GALNT14: variants seen among roughly 807,000 people sequenced by gnomAD.
GALNT14 encodes the protein UDP-GalNAc:polypeptide N-acetylgalactosaminyltransferase 14.
A neutral mutation model predicts 77.5 loss-of-function variants in GALNT14; 60 were observed. The observed-to-expected ratio is 0.77, with a 90% CI of 0.63 to 0.96. GALNT14 has a LOEUF of 0.96. Among genes scored for constraint, GALNT14 ranks in the 40% least tolerant of loss-of-function variants. GALNT14 has a pLI of 0.00. For synonymous variants in GALNT14, 280 were observed against 281.7 expected, an observed-to-expected ratio of 0.99 and a Z score of 0.06; for missense variants, 710 against 731.0, an observed-to-expected ratio of 0.97 and a Z score of 0.33.
chr2:31,044,102 A>G (rs963397826), intron 1 of GALNT14, among the ~76,000 whole-genome samples: 1 of 152,234 alleles, frequency 6.6e-6, no homozygotes, highest in Non-Finnish European at 1.5e-5. Flanking sequence ...TCCAAAGATC[A>G]ACTTTTTCAT....
chr2:31,132,684 T>C (rs1679049742), intron 1 of GALNT14: 2 of 470,892 alleles, frequency 4.2e-6, no homozygotes, highest in African/African-American at 2.0e-5. Context: ...CAATCCTGGG[T>C]GTAGGCTGCA....
At chr2:30,948,915 C>A (rs1000014359) in intron 6 of GALNT14, among the ~76,000 whole-genome samples, 9 of 152,148 alleles carry the variant, frequency 5.9e-5, no homozygotes, top group African/African-American at 2.2e-4. Context: ...CACAGACTTC[C>A]CCAGAAGCCA....
At chr2:30,915,138 C>G (rs891017401) in intron 13 of GALNT14, among the ~76,000 whole-genome samples, 1 of 134,400 alleles carries the variant, frequency 7.4e-6, no homozygotes, top group Non-Finnish European at 1.5e-5. Context: ...ATAAAAGCCT[C>G]TTTTGAGAGC....
intron 1 of GALNT14, among the ~76,000 whole-genome samples, chr2:31,049,204 C>T (rs1673682830): frequency 6.6e-6 from 1 of 152,162 alleles, no homozygotes; most frequent in Non-Finnish European, 1.5e-5. Context: ...TTTTTGGTGT[C>T]ATCTGTCTTG....
At chr2:31,035,006 G>C (rs11886050) in intron 1 of GALNT14, among the ~76,000 whole-genome samples, 1 of 152,032 alleles carries the variant, frequency 6.6e-6, no homozygotes, top group Non-Finnish European at 1.5e-5. Context: ...GTTGTGTTAC[G>C]GTCTAACATA....
At chr2:31,120,217 T>C (rs1678337289) in intron 1 of GALNT14, among the ~76,000 whole-genome samples, 1 of 149,892 alleles carries the variant, frequency 6.7e-6, no homozygotes, top group Non-Finnish European at 1.5e-5. Flanking sequence ...CTAGAATATA[T>C]ACTTAAGTAA....
intron 1 of GALNT14, among the ~76,000 whole-genome samples, chr2:31,000,169 G>A (rs990707295): frequency 6.6e-6 from 1 of 151,950 alleles, no homozygotes; most frequent in African/African-American, 2.4e-5. Flanking sequence ...GTAGATCTGG[G>A]GTCTGTGCCA....
intron 11 of GALNT14, among the ~76,000 whole-genome samples, chr2:30,926,849 G>A (rs1377957578): frequency 6.6e-6 from 1 of 152,102 alleles, no homozygotes; most frequent in Admixed American, 6.5e-5. Context: ...CTCAGGGCTT[G>A]GGGGCCAGGA....
intron 1 of GALNT14, among the ~76,000 whole-genome samples, chr2:31,061,407 A>C (rs1387843694): frequency 6.6e-6 from 1 of 152,164 alleles, no homozygotes; most frequent in Non-Finnish European, 1.5e-5. Flanking sequence ...TTAAAATAAA[A>C]TCATGCCACC....
chr2:30,910,026 C>T (rs1262620741), downstream of GALNT14, among the ~76,000 whole-genome samples: 1 of 128,918 alleles, frequency 7.8e-6, no homozygotes, highest in Non-Finnish European at 1.5e-5. Context: ...CACATGGACA[C>T]AGGAAGGGGA....
chr2:30,917,628 C>G (rs2148212177), intron 13 of GALNT14, among the ~76,000 whole-genome samples: 1 of 152,372 alleles, frequency 6.6e-6, no homozygotes, highest in African/African-American at 2.4e-5. Flanking sequence ...GTAAGAGACT[C>G]TTTCAAGGGC....
chr2:31,043,027 C>T (rs1267774591), intron 1 of GALNT14, among the ~76,000 whole-genome samples: 1 of 152,146 alleles, frequency 6.6e-6, no homozygotes, highest in African/African-American at 2.4e-5. Flanking sequence ...TCTCACCTCA[C>T]CTCCTACTTC....
At chr2:31,108,427 C>T (rs1677670534) in intron 1 of GALNT14, among the ~76,000 whole-genome samples, 4 of 152,330 alleles carry the variant, frequency 2.6e-5, no homozygotes, top group Middle Eastern at 3.4e-3. Flanking sequence ...ATTACACAGG[C>T]GGGCTCTAGA....
intron 9 of GALNT14, among the ~76,000 whole-genome samples, chr2:30,940,414 T>C (rs1441415669): frequency 6.6e-6 from 1 of 152,220 alleles, no homozygotes; most frequent in African/African-American, 2.4e-5. Flanking sequence ...AAGAGGGCAC[T>C]ACAAGCCCTG....
chr2:30,985,775 G>A (rs1284598720), intron 2 of GALNT14, among the ~76,000 whole-genome samples: 1 of 152,190 alleles, frequency 6.6e-6, no homozygotes, highest in Non-Finnish European at 1.5e-5. Context: ...CACAGACGGG[G>A]AGAGCTTGTT....
chr2:30,964,931 A>C (rs148214317), intron 3 of GALNT14, among the ~76,000 whole-genome samples: 302 of 152,226 alleles, frequency 2.0e-3, no homozygotes, highest in African/African-American at 6.8e-3. Context: ...TGATGGAAAC[A>C]ATGAGATTTT....
At chr2:31,071,176 A>G (rs1332174799) in intron 1 of GALNT14, among the ~76,000 whole-genome samples, 1 of 152,178 alleles carries the variant, frequency 6.6e-6, no homozygotes, top group Non-Finnish European at 1.5e-5. Context: ...TGGGTTCACC[A>G]ACATCTCACA....
At chr2:30,931,667 G>T (rs1457177828) in intron 10 of GALNT14, among the ~76,000 whole-genome samples, 1 of 152,062 alleles carries the variant, frequency 6.6e-6, no homozygotes, top group Non-Finnish European at 1.5e-5. Flanking sequence ...TCTGCCCAAA[G>T]ACCTCTCCCC....
At chr2:30,950,429 T>C (rs1274118380) in intron 6 of GALNT14, among the ~76,000 whole-genome samples, 1 of 152,212 alleles carries the variant, frequency 6.6e-6, no homozygotes, top group African/African-American at 2.4e-5. Flanking sequence ...TATCTCTTTC[T>C]ATTTTTGAAA....
Sources: allele counts gnomAD v4.1 joint callset (sites outside exome capture counted in the v4.1 genomes callset), GRCh38; gene constraint gnomAD v4.1.1; transcripts MANE v1.5; gene names NCBI Gene and HGNC (gene_info 2026-07-23, HGNC 2026-07-21).